The following AKAP6 variants were observed in gnomAD, a reference collection of about 807,000 sequenced individuals.
AKAP6 encodes A-kinase anchor protein 6.
Under a neutral mutation model 188.5 loss-of-function variants are expected in AKAP6, and 58 were observed. The ratio of observed to expected loss-of-function variants is 0.31; its 90% CI spans 0.25 to 0.38. AKAP6 has a LOEUF of 0.38. Among genes scored for constraint, AKAP6 ranks in the 10% least tolerant of loss-of-function variants. The pLI is 1.00. For synonymous variants in AKAP6, 989 were observed against 998.6 expected, an observed-to-expected ratio of 0.99 and a Z score of 0.18; for missense variants, 2,710 against 2,740.0, an observed-to-expected ratio of 0.99 and a Z score of 0.24.
chr14:32,514,943 C>T (rs957534028), intron 2 of AKAP6, among the ~76,000 whole-genome samples: 1 of 152,126 alleles, frequency 6.6e-6, no homozygotes, highest in African/African-American at 2.4e-5. Flanking sequence ...TAGACCTTTC[C>T]TCCTCAGCTT....
chr14:32,836,085 A>G lies in AKAP6; in HGVS notation c.*6280A>G, dbSNP rs867290497. The G allele has an allele frequency of 2.6e-5, 4 of 152,258 alleles. No homozygotes were observed. The highest frequency in any genetic ancestry group is 6.5e-5 in the Admixed American group (1 of 15,288). The allele number at this position is 152,258 out of a possible 1,614,324, so 9.4% of individuals were successfully genotyped here. ...TTGTCCTTGCATTTTGAAGTAAATC[A>G]TTGCCTGCATAAAGCAACTCTTTTG... On this transcript the variant is annotated 3_prime_UTR_variant, in exon 14 of 14. Coordinates refer to ENST00000280979, the MANE Select transcript of AKAP6 (RefSeq NM_004274.5).
intron 4 of AKAP6, among the ~76,000 whole-genome samples, chr14:32,574,018 G>A (rs1008784818): frequency 1.3e-5 from 2 of 152,090 alleles, no homozygotes; most frequent in African/African-American, 4.8e-5. Context: ...ATGTGATAAA[G>A]GTATCATGAA....
chr14:32,700,061 A>G (rs1890561086), intron 9 of AKAP6, among the ~76,000 whole-genome samples: 1 of 152,146 alleles, frequency 6.6e-6, no homozygotes, highest in Admixed American at 6.5e-5. Context: ...GGGCTTGGGG[A>G]AGCTCATGAC....
chr14:32,563,537 T>G (rs1884051085), intron 4 of AKAP6, among the ~76,000 whole-genome samples: 1 of 152,194 alleles, frequency 6.6e-6, no homozygotes, highest in South Asian at 2.1e-4. Context: ...TAGAGATGAC[T>G]GGTCTTTTGA....
chr14:32,692,371 CTATT>C (rs951955582), intron 8 of AKAP6, among the ~76,000 whole-genome samples: 3 of 152,058 alleles, frequency 2.0e-5, no homozygotes, highest in African/African-American at 7.2e-5. Flanking sequence ...TATTTGAAAA[CTATT>C]CATTAATAAT....
At chr14:32,636,640 A>G (rs1254218502) in intron 7 of AKAP6, among the ~76,000 whole-genome samples, 7 of 152,100 alleles carry the variant, frequency 4.6e-5, no homozygotes, top group African/African-American at 1.7e-4. Flanking sequence ...GCTTTCTGAA[A>G]GGGTGTGCTG....
Position 32,429,937 on chromosome 14 carries a change from C to T in AKAP6, c.-34-3523C>T, listed in dbSNP as rs149842921. On this transcript the variant is annotated intron_variant, in intron 1 of 13. Transcript: ENST00000280979. ...TTATTTTATTCTGGTTTGTCTTCTA[C>T]ATATATAACCACATCTGTTTTGTCA... is the stretch of plus-strand genomic sequence containing the variant. Among the ~76,000 whole-genome samples the T allele has an allele frequency of 7.9e-5, 12 of 152,336 alleles. No individual in the cohort carries two copies. The East Asian group carries it at 1.5e-3, about 20-fold the overall frequency.
At chr14:32,696,207 A>G (rs192648376) in intron 9 of AKAP6, 97 bp downstream of exon 9, 41 of 1,449,122 alleles carry the variant, frequency 2.8e-5, no homozygotes, top group Non-Finnish European at 3.3e-5. Flanking sequence ...CGTTCATTGT[A>G]TGTATCATGG....
chr14:32,618,135 AAAAC>A (rs1886660255), intron 7 of AKAP6, among the ~76,000 whole-genome samples: 1 of 152,254 alleles, frequency 6.6e-6, no homozygotes, highest in African/African-American at 2.4e-5. Context: ...AAAAGAAAGA[AAAAC>A]AAAGCAATCT....
At position 32,555,204 on chromosome 14, in the gene AKAP6, T is replaced by C. The variant is rs569072407; in HGVS notation, c.2346+8205T>C. On this transcript the variant is annotated intron_variant, in intron 4 of 13. Transcript: ENST00000280979. ...ACTGTAAAATTGCAATCAAGTATGC[T>C]CCCAGTTTTGTGGTAGCAGCACAAA... 2.0e-4 allele frequency among the ~76,000 whole-genome samples: 30 copies of C among 152,304 alleles called. 1 individual carries two copies. The highest frequency in any genetic ancestry group is 7.2e-4 in the African/African-American group (30 of 41,576).
intron 1 of AKAP6, among the ~76,000 whole-genome samples, chr14:32,409,391 G>A (rs1219177052): frequency 6.6e-6 from 1 of 152,168 alleles, no homozygotes; most frequent in Non-Finnish European, 1.5e-5. Flanking sequence ...TGAAACAGAT[G>A]AGTTAGAGAG....
At chr14:32,593,130 C>G (rs147773341) in intron 5 of AKAP6, among the ~76,000 whole-genome samples, 29 of 152,064 alleles carry the variant, frequency 1.9e-4, no homozygotes, top group African/African-American at 6.3e-4. Flanking sequence ...AAGCTTAAGA[C>G]ACTACCTGCA....
chr14:32,540,727 AC>A (rs532974084), intron 3 of AKAP6, among the ~76,000 whole-genome samples: 212 of 152,260 alleles, frequency 1.4e-3, no homozygotes, highest in African/African-American at 4.8e-3. Flanking sequence ...AGAACTAAAA[AC>A]ATTAGTATTA....
At chr14:32,620,532 T>C (rs1304366262) in intron 7 of AKAP6, among the ~76,000 whole-genome samples, 1 of 152,140 alleles carries the variant, frequency 6.6e-6, no homozygotes, top group Admixed American at 6.5e-5. Context: ...TCATGATGAG[T>C]TATCTTTTTG....
intron 7 of AKAP6, among the ~76,000 whole-genome samples, chr14:32,669,134 C>A (rs1889071240): frequency 6.6e-6 from 1 of 152,108 alleles, no homozygotes. Flanking sequence ...GATACTGTGT[C>A]TGATCCAGAT....
chr14:32,728,363 TATCTATC>T lies in AKAP6; in HGVS notation c.3001-4090_3001-4084del, dbSNP rs766393411. On this transcript the variant is annotated intron_variant, in intron 9 of 13. Transcript: ENST00000280979. ...TCTCAGTGTATTCTATCTATCTATC[TATCTATC>T]TATCTATCTATCTATCTATCTATCA... 2.3e-4 allele frequency among the ~76,000 whole-genome samples: 34 copies of T among 150,804 alleles called. No homozygotes were observed. In the East Asian group the frequency reaches 5.6e-3, roughly 25 times the overall value.
At chr14:32,749,587 G>A (rs1019028421) in intron 11 of AKAP6, among the ~76,000 whole-genome samples, 22 of 152,104 alleles carry the variant, frequency 1.4e-4, no homozygotes, top group Admixed American at 1.4e-3. Flanking sequence ...TTTCAGCCTG[G>A]ATAGCCATAC....
At chr14:32,507,899 G>C (rs1185687882) in intron 2 of AKAP6, among the ~76,000 whole-genome samples, 2 of 152,312 alleles carry the variant, frequency 1.3e-5, no homozygotes, top group Non-Finnish European at 2.9e-5. Flanking sequence ...ATGAGGATCT[G>C]GGTAGGAGGT....
chr14:32,769,798 A>G (rs914254315), intron 11 of AKAP6, among the ~76,000 whole-genome samples: 2 of 150,680 alleles, frequency 1.3e-5, no homozygotes, highest in African/African-American at 2.4e-5. Context: ...CTTACATCTC[A>G]TTTGCTGTAA....
Sources: allele counts gnomAD v4.1 joint callset (sites outside exome capture counted in the v4.1 genomes callset), GRCh38; gene constraint gnomAD v4.1.1; transcripts MANE v1.5; gene names NCBI Gene and HGNC (gene_info 2026-07-23, HGNC 2026-07-21).